GANAB: variants seen among roughly 807,000 people sequenced by gnomAD.
The protein encoded by GANAB is neutral alpha-glucosidase AB.
In GANAB, 35 loss-of-function variants were observed where a neutral mutation model predicts 129.9. That is an observed-to-expected ratio of 0.27 (90% CI 0.21 to 0.36). The LOEUF (loss-of-function observed/expected upper bound fraction) is 0.36. Ranked by LOEUF, GANAB falls within the 10% of genes least tolerant of loss-of-function variation. GANAB has a pLI of 1.00. For synonymous variants in GANAB, 482 were observed against 451.8 expected, an observed-to-expected ratio of 1.07 and a Z score of -0.85; for missense variants, 939 against 1,221.0, an observed-to-expected ratio of 0.77 and a Z score of 3.44.
At chr11:62,645,466 G>A (rs1352214271) in intron 1 of GANAB, among the ~76,000 whole-genome samples, 6 of 151,346 alleles carry the variant, frequency 4.0e-5, no homozygotes, top group Admixed American at 2.0e-4. Context: ...AACCCAGGAG[G>A]CGGAGCTTGC....
rs577582661 is a variant in GANAB at position 62,640,562 on chromosome 11, G to T, written c.39-831C>A. Among the ~76,000 whole-genome samples the T allele has an allele frequency of 3.4e-5, 5 of 145,550 alleles. No homozygotes were observed. The South Asian group carries it at 8.7e-4, about 25-fold the overall frequency. ...AAAAAAAAAAAAAAGGGCCGGGTGC[G>T]GTGGCTCATGCCTGTAATCCCAGCA... On this transcript the variant is annotated intron_variant, in intron 1 of 23. Transcript: ENST00000356638.
At chr11:62,628,478 G>T (rs1319486741) in intron 17 of GANAB, among the ~76,000 whole-genome samples, 2 of 152,032 alleles carry the variant, frequency 1.3e-5, no homozygotes, top group Non-Finnish European at 2.9e-5. Context: ...CTCCCAAAGT[G>T]CTGGGATTAC....
intron 4 of GANAB, 60 bp downstream of exon 4, chr11:62,638,923 A>G: frequency 6.3e-7 from 1 of 1,575,292 alleles, no homozygotes; most frequent in Non-Finnish European, 8.7e-7. Flanking sequence ...CAACCAAAAA[A>G]AGGTTCATCA....
intron 6 of GANAB, 84 bp downstream of exon 6, chr11:62,633,361 A>G (rs1943783253): frequency 6.5e-7 from 1 of 1,538,388 alleles, no homozygotes; most frequent in African/African-American, 1.4e-5. Context: ...TGATGGGGAG[A>G]CTAAGTTCAA....
chr11:62,631,633 T>C (rs1294182629), intron 9 of GANAB, among the ~76,000 whole-genome samples: 1 of 151,634 alleles, frequency 6.6e-6, no homozygotes, highest in East Asian at 1.9e-4. Flanking sequence ...CAGCTAACTT[T>C]TGTATTTTCA....
intron 5 of GANAB, chr11:62,634,399 G>C (rs755534895): frequency 6.5e-7 from 1 of 1,540,184 alleles, no homozygotes; most frequent in Admixed American, 1.7e-5. Context: ...AGATGGGTAG[G>C]GAAGGGGAAA....
rs573932785 is a variant in GANAB, at chr11:62,636,017, G to A, written c.381-1017C>T. 3.3e-5 allele frequency among the ~76,000 whole-genome samples: 5 copies of A among 152,054 alleles called. No homozygotes were observed. In the South Asian group the frequency reaches 1.0e-3, roughly 32 times the overall value. ...TAAAAAATTTTTTTTTCTTAAGATA[G>A]TCTCACTCTATCACCCAGACTGGAG... On this transcript the variant is annotated intron_variant, in intron 4 of 23. Coordinates refer to ENST00000356638, the MANE Select transcript of GANAB (RefSeq NM_198334.3).
intron 1 of GANAB, among the ~76,000 whole-genome samples, chr11:62,645,646 G>A (rs1387008497): frequency 6.6e-6 from 1 of 152,140 alleles, no homozygotes; most frequent in Non-Finnish European, 1.5e-5. Flanking sequence ...GATTCCTAAA[G>A]CATCTTTCAG....
intron 4 of GANAB, 77 bp from the exon 5 acceptor site, chr11:62,635,077 A>G: frequency 9.6e-7 from 1 of 1,042,614 alleles, no homozygotes; most frequent in South Asian, 1.4e-5. Flanking sequence ...AGACCGGGGG[A>G]AATCTACCTG....
chr11:62,636,151 C>T (rs3017188), intron 4 of GANAB, among the ~76,000 whole-genome samples: 96,232 of 151,634 alleles, frequency 0.63, 31,043 homozygotes, highest in East Asian at 0.93. Flanking sequence ...CCACCACGCC[C>T]GGCTAAGTTT....
intron 4 of GANAB, among the ~76,000 whole-genome samples, chr11:62,635,345 G>A (rs1393089871): frequency 6.6e-6 from 1 of 151,886 alleles, no homozygotes; most frequent in Non-Finnish European, 1.5e-5. Flanking sequence ...CACCACACCT[G>A]GCTAATTTTG....
intron 1 of GANAB, among the ~76,000 whole-genome samples, chr11:62,645,085 C>T (rs1459983277): frequency 6.6e-6 from 1 of 151,994 alleles, no homozygotes; most frequent in Admixed American, 6.6e-5. Flanking sequence ...AAACACTAGG[C>T]ACTGTGGTTT....
rs1402652161 is a variant in GANAB at position 62,639,058 on chromosome 11, C to T, written c.305G>A (p.Arg102Lys). ...QGLQKNMTRFRIDELEPRRPR... is the reference protein window; with the variant it reads ...QGLQKNMTRFKIDELEPRRPR... Reference sequence around the variant, plus strand: ...TCGCCGAGGCTCCAGCTCATCAATCCTGAACCGAGTCATGTTCTTTTGAAG... The same window carrying T: ...TCGCCGAGGCTCCAGCTCATCAATCTTGAACCGAGTCATGTTCTTTTGAAG... Residue 102 changes from arginine (R) to lysine (K), a missense_variant, in exon 4 of 24, where the codon AGG becomes AAG. Arg to Lys is a conservative substitution (Grantham distance 26). Transcript: ENST00000356638. 1.9e-6 allele frequency: 3 copies of T among 1,614,064 alleles called. No individual in the cohort carries two copies. Among genetic ancestry groups the T allele is most frequent in the African/African-American group, 2.7e-5 (2 of 75,018 alleles).
At chr11:62,639,907 G>A (rs894607434) in intron 1 of GANAB, 176 bp from the exon 2 acceptor site, 1 of 589,874 alleles carries the variant, frequency 1.7e-6, no homozygotes, top group Non-Finnish European at 3.0e-6. Flanking sequence ...TAAGGATCAG[G>A]CCTGAGAAGT....
Position 62,629,661 on chromosome 11 carries a change from C to T in GANAB, c.1761G>A (p.Leu587=). 1.2e-6 allele frequency: 2 copies of T among 1,613,602 alleles called. No individual in the cohort carries two copies. Among genetic ancestry groups the T allele is most frequent in the Non-Finnish European group, 1.7e-6 (2 of 1,179,720 alleles). Reference sequence around the variant, plus strand: ...GTTCCATGCCCCCAGAGCGCTGTCTCAGCCCATCAGCAGTCGCCATGTGCT... The same window carrying T: ...GTTCCATGCCCCCAGAGCGCTGTCTTAGCCCATCAGCAGTCGCCATGTGCT... ...LYVHMATADG[L]RQRSGGMERP... Residue 587 remains leucine, a synonymous_variant, in exon 15 of 24, where the codon CTG becomes CTA. Coordinates refer to ENST00000356638, the MANE Select transcript of GANAB (RefSeq NM_198334.3).
chr11:62,629,713 G>A, intron 14 of GANAB, 29 bp from the exon 15 acceptor site: 1 of 1,605,422 alleles, frequency 6.2e-7, no homozygotes, highest in Non-Finnish European at 8.5e-7. Context: ...GACGGGTAGT[G>A]AGGAGCAAAA....
rs1943836035 is a variant in GANAB, at chr11:62,634,334, T to C, written c.560+487A>G. Reference sequence around the variant, plus strand: ...CCTAGAGAAAAGGTTCTTGATCTTATCCCATATGCTACCAAGCGTGAGATT... The same window carrying C: ...CCTAGAGAAAAGGTTCTTGATCTTACCCCATATGCTACCAAGCGTGAGATT... On this transcript the variant is annotated intron_variant, in intron 5 of 23. Coordinates refer to ENST00000356638, the MANE Select transcript of GANAB (RefSeq NM_198334.3). 2.5e-6 allele frequency: 4 copies of C among 1,610,396 alleles called. No individual in the cohort carries two copies. In the South Asian group the frequency reaches 4.4e-5, roughly 18 times the overall value.
intron 21 of GANAB, 27 bp from the exon 22 acceptor site, chr11:62,626,474 G>T: frequency 6.5e-7 from 1 of 1,550,126 alleles, no homozygotes; most frequent in Non-Finnish European, 8.9e-7. Flanking sequence ...ATAGGTGAGC[G>T]CCTGAGCCCA....
intron 17 of GANAB, among the ~76,000 whole-genome samples, chr11:62,628,556 T>C (rs1211276733): frequency 2.0e-5 from 3 of 152,178 alleles, no homozygotes; most frequent in Non-Finnish European, 4.4e-5. Context: ...TACCCTGTTT[T>C]ATTTTTCTGA....
Sources: gnomAD v4.1 joint callset for allele counts (sites outside exome capture counted in the v4.1 genomes callset) on GRCh38, gnomAD v4.1.1 for gene constraint, MANE v1.5 for transcripts, NCBI Gene and HGNC (gene_info 2026-07-23, HGNC 2026-07-21) for gene names.